BMPR1B: variants seen among roughly 807,000 people sequenced by gnomAD.
BMPR1B encodes the protein bone morphogenetic protein receptor type-1B.
A neutral mutation model predicts 59.1 loss-of-function variants in BMPR1B; 12 were observed. That is an observed-to-expected ratio of 0.20 (90% CI 0.13 to 0.33). The LOEUF (loss-of-function observed/expected upper bound fraction) is 0.33, where lower values mean the gene tolerates loss of function less well. Among genes scored for constraint, BMPR1B ranks in the 10% least tolerant of loss-of-function variants. The probability of loss-of-function intolerance (pLI) is 1.00; values close to 1 mark genes in which losing one functional copy is unlikely to be tolerated. For synonymous variants in BMPR1B, 237 were observed against 207.3 expected (o/e 1.14, Z -1.23); for missense variants, 550 against 610.9 (o/e 0.90, Z 1.05).
chr4:95,104,423 A>T lies in BMPR1B; in HGVS notation c.-2A>T, dbSNP rs980941418. ...CTTCTTTCAGCAAACTTCCTTGATA[A>T]CATGCTTTTGCGAAGTGCAGGAAAA... On this transcript the variant is annotated 5_prime_UTR_variant, in exon 4 of 13. Transcript: ENST00000515059. 2 of 1,613,162 alleles carry T rather than the reference A, an allele frequency of 1.2e-6. No individual in the cohort carries two copies. The highest frequency in any genetic ancestry group is 1.3e-5 in the African/African-American group (1 of 75,000).
chr4:94,901,546 CTG>C (rs1390122853), intron 2 of BMPR1B, among the ~76,000 whole-genome samples: 2 of 151,950 alleles, frequency 1.3e-5, no homozygotes, highest in African/African-American at 2.4e-5. Context: ...TTTAACATGA[CTG>C]AGAGATATTC....
At chr4:95,004,740 G>A (rs1722703736) in intron 3 of BMPR1B, among the ~76,000 whole-genome samples, 1 of 152,064 alleles carries the variant, frequency 6.6e-6, no homozygotes, top group Non-Finnish European at 1.5e-5. Context: ...TACTAACCTT[G>A]AAATTTATAT....
rs373604825 is a variant in BMPR1B at position 94,768,374 on chromosome 4, A to G, written c.-183+10306A>G. Among the ~76,000 whole-genome samples the G allele has an allele frequency of 3.0e-4, 45 of 152,168 alleles. No homozygotes were observed. The South Asian group carries it at 7.9e-3, about 27-fold the overall frequency. On this transcript the variant is annotated intron_variant, in intron 1 of 12. Transcript: ENST00000515059. ...TTCTCCTTAAAAAACAACAACAACA[A>G]CAACAAAAAACCTCTGCTTTATTTA...
intron 3 of BMPR1B, among the ~76,000 whole-genome samples, chr4:95,090,032 G>A (rs1328829015): frequency 6.6e-6 from 1 of 152,002 alleles, no homozygotes; most frequent in Non-Finnish European, 1.5e-5. Context: ...CTCGGAAATT[G>A]AAATGCAGTA....
intron 1 of BMPR1B, among the ~76,000 whole-genome samples, chr4:94,764,555 A>AT (rs775300912): frequency 6.6e-6 from 1 of 152,150 alleles, no homozygotes; most frequent in Non-Finnish European, 1.5e-5. Flanking sequence ...AGCTGTGTCA[A>AT]TTAAAGTCCT....
chr4:94,810,950 G>T (rs1723789145), intron 1 of BMPR1B, among the ~76,000 whole-genome samples: 1 of 152,148 alleles, frequency 6.6e-6, no homozygotes, highest in Non-Finnish European at 1.5e-5. Context: ...GTTAGATTGG[G>T]TAGAAAATGT....
intron 1 of BMPR1B, among the ~76,000 whole-genome samples, chr4:94,873,410 C>CTT (rs35696562): frequency 0.19 from 26,818 of 139,468 alleles, 2,758 homozygotes; most frequent in South Asian, 0.24. Flanking sequence ...GCTATGAATT[C>CTT]TTTTTTTTTT....
intron 3 of BMPR1B, among the ~76,000 whole-genome samples, chr4:95,062,239 C>T (rs1727454561): frequency 6.6e-6 from 1 of 152,128 alleles, no homozygotes; most frequent in Non-Finnish European, 1.5e-5. Context: ...ATCACCACCA[C>T]CTCCAAGAAT....
intron 3 of BMPR1B, among the ~76,000 whole-genome samples, chr4:95,021,584 A>G (rs778579958): frequency 7.2e-5 from 11 of 152,152 alleles, no homozygotes; most frequent in Admixed American, 4.6e-4. Flanking sequence ...GCATTTTGAT[A>G]TTTCCCATTG....
intron 1 of BMPR1B, among the ~76,000 whole-genome samples, chr4:94,775,195 C>T (rs924787300): frequency 6.6e-6 from 1 of 152,110 alleles, no homozygotes; most frequent in African/African-American, 2.4e-5. Context: ...AAATACCTGG[C>T]ACATAATAGT....
In BMPR1B at chr4:95,123,863, T is replaced by G. The variant is rs145201971; in HGVS notation, c.403T>G (p.Cys135Gly). 6.2e-7 allele frequency: 1 copy of G among 1,612,382 alleles called. No homozygotes were observed. Among genetic ancestry groups the G allele is most frequent in the Non-Finnish European group, 8.5e-7 (1 of 1,179,364 alleles). ...GGCTTTACTTATATCTGTGACTGTC[T>G]GTAGTTTGCTCTTGGTCCTTATCAT... ...HRALLISVTV[C>G]SLLLVLIILF... The change falls in exon 7 of 13, where the codon TGT becomes GGT. Residue 135 changes from cysteine (C) to glycine (G), a missense_variant. Physicochemically the swap from Cys to Gly is radical, Grantham distance 159. This residue lies in a region of BMPR1B where 318 missense variants were observed against 284.6 expected (regional missense o/e 1.12). Transcript: ENST00000515059.
At chr4:94,878,277 C>G (rs1453655827) in intron 2 of BMPR1B, among the ~76,000 whole-genome samples, 3 of 152,092 alleles carry the variant, frequency 2.0e-5, no homozygotes, top group African/African-American at 7.2e-5. Context: ...TTGTTAAAAA[C>G]CAAAATTGCA....
At chr4:94,785,680 A>T (rs1445002531) in intron 1 of BMPR1B, among the ~76,000 whole-genome samples, 1 of 152,188 alleles carries the variant, frequency 6.6e-6, no homozygotes, top group Non-Finnish European at 1.5e-5. Flanking sequence ...ATCTCATTCC[A>T]CATTCACAGA....
intron 2 of BMPR1B, among the ~76,000 whole-genome samples, chr4:94,949,328 G>C (rs1365182942): frequency 7.1e-3 from 128 of 17,932 alleles, no homozygotes; most frequent in African/African-American, 0.013. Flanking sequence ...TTTTTTTTTT[G>C]AGACGGAGTC....
intron 2 of BMPR1B, among the ~76,000 whole-genome samples, chr4:94,991,546 G>A (rs889715677): frequency 5.3e-5 from 8 of 152,176 alleles, no homozygotes; most frequent in Admixed American, 1.3e-4. Flanking sequence ...GGACTTGAAC[G>A]TGAACAGTTA....
intron 2 of BMPR1B, among the ~76,000 whole-genome samples, chr4:94,921,562 C>T (rs1728688785): frequency 2.0e-5 from 3 of 151,984 alleles, no homozygotes; most frequent in Non-Finnish European, 4.4e-5. Flanking sequence ...GTACTCCACA[C>T]TTTTAAACAA....
At chr4:95,126,246 A>C (rs147437892) in intron 8 of BMPR1B, among the ~76,000 whole-genome samples, 13 of 152,234 alleles carry the variant, frequency 8.5e-5, no homozygotes, top group African/African-American at 3.1e-4. Context: ...CTCACTTTCT[A>C]TCCCCAGTAG....
chr4:94,827,161 A>T (rs1045075036), intron 1 of BMPR1B, among the ~76,000 whole-genome samples: 3 of 151,902 alleles, frequency 2.0e-5, no homozygotes, highest in African/African-American at 7.3e-5. Context: ...TCTCTGGTTG[A>T]GTTAGTTGAG....
intron 3 of BMPR1B, among the ~76,000 whole-genome samples, chr4:95,030,012 A>G (rs1234786184): frequency 1.2e-4 from 18 of 151,820 alleles, no homozygotes; most frequent in Non-Finnish European, 7.4e-5. Flanking sequence ...GATTCTGGAT[A>G]TTAGCCCTTT....
Sources: allele counts gnomAD v4.1 joint callset (sites outside exome capture counted in the v4.1 genomes callset), GRCh38; gene constraint gnomAD v4.1.1; regional missense constraint gnomAD v4.1.1; transcripts MANE v1.5; gene names NCBI Gene and HGNC (gene_info 2026-07-23, HGNC 2026-07-21).